The following GALNT13 variants were observed in gnomAD, a reference collection of about 807,000 sequenced individuals.
The protein encoded by GALNT13 is polypeptide N-acetylgalactosaminyltransferase 13.
In GALNT13, 28 loss-of-function variants were observed where a neutral mutation model predicts 64.2. The ratio of observed to expected loss-of-function variants is 0.44; its 90% CI spans 0.32 to 0.60. The LOEUF (loss-of-function observed/expected upper bound fraction) is 0.60. Ranked by LOEUF, GALNT13 falls within the 20% of genes least tolerant of loss-of-function variation. The pLI is 0.05. For synonymous variants in GALNT13, 214 were observed against 224.6 expected, an observed-to-expected ratio of 0.95 and a Z score of 0.42; for missense variants, 577 against 669.8, an observed-to-expected ratio of 0.86 and a Z score of 1.53.
At chr2:154,283,069 G>C (rs973475168) in intron 8 of GALNT13, among the ~76,000 whole-genome samples, 33 of 152,212 alleles carry the variant, frequency 2.2e-4, no homozygotes, top group African/African-American at 7.5e-4. Context: ...TTTTGTGTTT[G>C]TGCATGCCAG....
At chr2:153,336,871 A>AG in the GALNT13 span, among the ~76,000 whole-genome samples, 12 of 152,236 alleles carry the variant, frequency 7.9e-5, no homozygotes, top group African/African-American at 2.9e-4. Context: ...GGAGGGACCC[A>AG]GGGGGAGGCA....
At chr2:153,396,982 G>A in the GALNT13 span, among the ~76,000 whole-genome samples, 1 of 152,106 alleles carries the variant, frequency 6.6e-6, no homozygotes, top group African/African-American at 2.4e-5. Flanking sequence ...CACAAAAAAT[G>A]ATGATGTGAA....
the GALNT13 span, among the ~76,000 whole-genome samples, chr2:153,300,793 A>G: frequency 4.6e-5 from 7 of 152,318 alleles, no homozygotes; most frequent in East Asian, 1.4e-3. Flanking sequence ...GTGTATTGGT[A>G]GAAAGAGATA....
the GALNT13 span, among the ~76,000 whole-genome samples, chr2:153,648,826 A>C: frequency 6.6e-6 from 1 of 152,132 alleles, no homozygotes; most frequent in Non-Finnish European, 1.5e-5. Context: ...CCACTTGATC[A>C]TGGTGGATAA....
the GALNT13 span, among the ~76,000 whole-genome samples, chr2:153,255,101 G>T: frequency 6.6e-3 from 1,004 of 151,842 alleles, 7 homozygotes; most frequent in African/African-American, 0.02. Context: ...TGTGTGGGAG[G>T]CTAAGTCTCT....
At chr2:153,226,851 T>G in the GALNT13 span, among the ~76,000 whole-genome samples, 1 of 152,190 alleles carries the variant, frequency 6.6e-6, no homozygotes, top group African/African-American at 2.4e-5. Flanking sequence ...TTGTAACAAA[T>G]GTACCATGCT....
the GALNT13 span, among the ~76,000 whole-genome samples, chr2:153,249,658 G>C: frequency 9.2e-5 from 14 of 151,972 alleles, no homozygotes; most frequent in African/African-American, 2.9e-4. Context: ...AAAACAGCAG[G>C]GTACTGATAC....
At chr2:153,454,202 T>C in the GALNT13 span, among the ~76,000 whole-genome samples, 15 of 152,138 alleles carry the variant, frequency 9.9e-5, no homozygotes, top group African/African-American at 3.6e-4. Flanking sequence ...AGATCAATTG[T>C]ACCCCGAACC....
chr2:153,551,315 C>A, the GALNT13 span, among the ~76,000 whole-genome samples: 1 of 152,136 alleles, frequency 6.6e-6, no homozygotes, highest in Admixed American at 6.5e-5. Context: ...TATCTTCATG[C>A]CTACTACAGG....
chr2:153,593,615 C>G, the GALNT13 span, among the ~76,000 whole-genome samples: 3 of 152,166 alleles, frequency 2.0e-5, no homozygotes, highest in South Asian at 6.2e-4. Context: ...TAAACAATCT[C>G]TACATGGTGG....
At chr2:154,192,714 T>G (rs1686663158) in intron 4 of GALNT13, among the ~76,000 whole-genome samples, 1 of 152,280 alleles carries the variant, frequency 6.6e-6, no homozygotes. Flanking sequence ...TTAGAAATAT[T>G]ATTTAAGTTA....
At chr2:153,278,870 A>C in the GALNT13 span, among the ~76,000 whole-genome samples, 5 of 152,206 alleles carry the variant, frequency 3.3e-5, no homozygotes, top group Admixed American at 1.3e-4. Context: ...GTTTTAGAAC[A>C]GTTTTTTTCT....
At chr2:153,204,895 A>G in the GALNT13 span, among the ~76,000 whole-genome samples, 5 of 152,184 alleles carry the variant, frequency 3.3e-5, no homozygotes, top group Non-Finnish European at 4.4e-5. Context: ...AAGGGGAAAA[A>G]AAAGAGGTGA....
intron 9 of GALNT13, among the ~76,000 whole-genome samples, chr2:154,357,074 G>A (rs1407481402): frequency 6.6e-6 from 1 of 151,972 alleles, no homozygotes; most frequent in Non-Finnish European, 1.5e-5. Context: ...ACATGAACTA[G>A]AAGATCTATC....
the GALNT13 span, among the ~76,000 whole-genome samples, chr2:153,410,586 T>C: frequency 2.0e-5 from 3 of 152,110 alleles, no homozygotes; most frequent in Non-Finnish European, 2.9e-5. Flanking sequence ...GGAAACAAAA[T>C]ATCTAAAGCC....
chr2:153,413,436 C>T, the GALNT13 span, among the ~76,000 whole-genome samples: 4 of 152,144 alleles, frequency 2.6e-5, no homozygotes, highest in East Asian at 5.8e-4. Context: ...CAACTCTCCA[C>T]CATGGAGAAG....
the GALNT13 span, among the ~76,000 whole-genome samples, chr2:153,697,970 C>A: frequency 2.0e-5 from 3 of 152,102 alleles, no homozygotes; most frequent in Non-Finnish European, 4.4e-5. Context: ...AAGTTTAAAG[C>A]CAGAATTTCA....
At chr2:153,091,605 G>C in the GALNT13 span, among the ~76,000 whole-genome samples, 1 of 152,198 alleles carries the variant, frequency 6.6e-6, no homozygotes, top group Admixed American at 6.5e-5. Flanking sequence ...ATGCTGTTCT[G>C]TCTGTCCAAG....
At chr2:153,493,567 AC>A in the GALNT13 span, among the ~76,000 whole-genome samples, 1 of 152,142 alleles carries the variant, frequency 6.6e-6, no homozygotes, top group Non-Finnish European at 1.5e-5. Context: ...AGGAAATAAG[AC>A]CAATCTTACA....
Sources: allele counts gnomAD v4.1 joint callset (sites outside exome capture counted in the v4.1 genomes callset), GRCh38; gene constraint gnomAD v4.1.1; transcripts MANE v1.5; gene names NCBI Gene and HGNC (gene_info 2026-07-23, HGNC 2026-07-21).